FANCD2: variants seen among roughly 807,000 people sequenced by gnomAD.
The protein encoded by FANCD2 is Fanconi anemia group D2 protein.
In FANCD2, 131 loss-of-function variants were observed where a neutral mutation model predicts 192.3. That is an observed-to-expected ratio of 0.68 (90% CI 0.59 to 0.79). The LOEUF (loss-of-function observed/expected upper bound fraction) is 0.79. FANCD2 is among the 30% of genes least tolerant of loss of function. The probability of loss-of-function intolerance (pLI) is 0.00; values close to 1 mark genes in which losing one functional copy is unlikely to be tolerated. For synonymous variants in FANCD2, 524 were observed against 612.5 expected (o/e 0.86, Z 2.13); for missense variants, 1,508 against 1,701.6 (o/e 0.89, Z 2.00).
At chr3:10,041,025 C>T (rs1340693786) in intron 9 of FANCD2, 1 of 163,630 alleles carries the variant, frequency 6.1e-6, no homozygotes, top group African/African-American at 2.4e-5. Flanking sequence ...GAAAAGCCGT[C>T]TTTCAAAAAC....
intron 36 of FANCD2, among the ~76,000 whole-genome samples, chr3:10,089,820 A>C (rs962468976): frequency 1.3e-5 from 2 of 152,186 alleles, no homozygotes; most frequent in African/African-American, 4.8e-5. Flanking sequence ...GTCTCACTTA[A>C]TGGGTGTGTG....
At chr3:10,096,503 C>G (rs745620718) in intron 42 of FANCD2, 31 bp downstream of exon 42, 1 of 1,609,800 alleles carries the variant, frequency 6.2e-7, no homozygotes, top group Non-Finnish European at 8.5e-7. Context: ...GTGATAATCC[C>G]CTACTCTTAT....
At chr3:10,063,692 A>G in intron 20 of FANCD2, 100 bp from the exon 21 acceptor site, 3 of 1,493,084 alleles carry the variant, frequency 2.0e-6, no homozygotes, top group Non-Finnish European at 2.8e-6. Flanking sequence ...GAGCTTTGCC[A>G]GTAAAATCAG....
At position 10,081,176 on chromosome 3, in the gene FANCD2, A is replaced by G; in HGVS notation, c.3053A>G (p.Gln1018Arg). ...CAAGAAATTGTTCATTGTGTTTTTCAACTGCTGACCCCAATGTGTAACCAC... is the reference window on the plus strand; with the variant it reads ...CAAGAAATTGTTCATTGTGTTTTTCGACTGCTGACCCCAATGTGTAACCAC... ...SAQEIVHCVF[Q>R]LLTPMCNHLE... Residue 1018 changes from glutamine (Q) to arginine (R), a missense_variant, in exon 31 of 44, where the codon CAA becomes CGA. By Grantham distance (43) the Gln-to-Arg change is conservative. This residue lies in a region of FANCD2 where 796 missense variants were observed against 879.4 expected (regional missense o/e 0.91). Transcript: ENST00000675286. 1 of 1,614,208 alleles carries G rather than the reference A, an allele frequency of 6.2e-7. No homozygotes were observed. The highest frequency in any genetic ancestry group is 8.5e-7 in the Non-Finnish European group (1 of 1,180,038).
chr3:10,095,818 G>A (rs1694918600), intron 41 of FANCD2, among the ~76,000 whole-genome samples: 1 of 151,810 alleles, frequency 6.6e-6, no homozygotes, highest in African/African-American at 2.4e-5. Flanking sequence ...TGATTCTTGA[G>A]TCCAGTTTCT....
chr3:10,081,386 G>A lies in FANCD2; in HGVS notation c.3146G>A (p.Gly1049Glu), dbSNP rs1693825503. 6.2e-7 allele frequency: 1 copy of A among 1,614,152 alleles called. No individual in the cohort carries two copies. Among genetic ancestry groups the A allele is most frequent in the Non-Finnish European group, 8.5e-7 (1 of 1,179,994 alleles). Residue 1049 changes from glycine (G) to glutamate (E), a missense_variant, in exon 32 of 44, where the codon GGA becomes GAA. Gly to Glu is a moderately conservative substitution (Grantham distance 98). Transcript: ENST00000675286. ...AENHGVVDGPGVKVQEYHIMS... is the reference protein window; with the variant it reads ...AENHGVVDGPEVKVQEYHIMS... Reference sequence around the variant, plus strand: ...AATCACGGTGTAGTTGATGGACCAGGAGTGAAAGTTCAGGAGTACCACATA... The same window carrying A: ...AATCACGGTGTAGTTGATGGACCAGAAGTGAAAGTTCAGGAGTACCACATA...
At chr3:10,088,403 G>C in intron 34 of FANCD2, 46 bp from the exon 35 acceptor site, 1 of 1,139,156 alleles carries the variant, frequency 8.8e-7, no homozygotes, top group East Asian at 2.3e-5. Context: ...GCAAGAATGA[G>C]GTCAAGTTCC....
At chr3:10,034,662 T>G in intron 4 of FANCD2, 33 bp from the exon 5 acceptor site, 1 of 1,509,262 alleles carries the variant, frequency 6.6e-7, no homozygotes, top group Non-Finnish European at 9.1e-7. Context: ...AACTAAAAAT[T>G]TTATTCTTTT....
At chr3:10,079,628 G>A (rs1226868397) in intron 30 of FANCD2, among the ~76,000 whole-genome samples, 3 of 152,056 alleles carry the variant, frequency 2.0e-5, no homozygotes, top group Non-Finnish European at 4.4e-5. Flanking sequence ...CCCAGCCTAC[G>A]AAATGTATTT....
chr3:10,043,283 C>CAT, intron 12 of FANCD2, 133 bp downstream of exon 12: 8 of 815,106 alleles, frequency 9.8e-6, no homozygotes, highest in Middle Eastern at 5.3e-4. Flanking sequence ...TTTCAAATTA[C>CAT]ATATATGTAT....
intron 29 of FANCD2, 131 bp downstream of exon 29, chr3:10,074,804 A>G: frequency 3.9e-6 from 3 of 763,444 alleles, no homozygotes; most frequent in Non-Finnish European, 6.5e-6. Context: ...TTTATATGTG[A>G]AAGCAATGAT....
chr3:10,043,225 T>C (rs1011856356), intron 12 of FANCD2, 75 bp downstream of exon 12: 2 of 1,050,276 alleles, frequency 1.9e-6, no homozygotes, highest in Non-Finnish European at 3.0e-6. Context: ...TTAATACTAC[T>C]ACAAATAATG....
chr3:10,077,063 A>G (rs527786976), intron 29 of FANCD2, among the ~76,000 whole-genome samples: 60 of 151,824 alleles, frequency 4.0e-4, no homozygotes, highest in African/African-American at 1.3e-3. Context: ...ACCTGTCTCT[A>G]CAAAAAGTTA....
chr3:10,089,141 C>G (rs56252804), intron 36 of FANCD2, among the ~76,000 whole-genome samples, 191 bp downstream of exon 36: 2 of 151,940 alleles, frequency 1.3e-5, no homozygotes, highest in Non-Finnish European at 2.9e-5. Context: ...AAAAATTAGC[C>G]GGGCGTGGTG....
rs557070078 is a variant in FANCD2 at position 10,053,834 on chromosome 3, T to G, written c.1656+1337T>G. 1.6e-4 allele frequency among the ~76,000 whole-genome samples: 24 copies of G among 152,276 alleles called. No homozygotes were observed. The South Asian group carries it at 2.1e-3, about 13-fold the overall frequency. On this transcript the variant is annotated intron_variant, in intron 18 of 43. Transcript: ENST00000675286. ...ATCAGCTAACCATGAAACTGTTCAG[T>G]TTCTGAGTGCAGTGGGGACACAGAA...
chr3:10,065,752 C>G lies in FANCD2; in HGVS notation c.2270-112C>G. 9.2e-6 allele frequency: 7 copies of G among 763,068 alleles called. No homozygotes were observed. The South Asian group carries it at 1.0e-4, about 11-fold the overall frequency. 47.3% of individuals were successfully genotyped at this position (763,068 alleles called of 1,614,324 possible). A position where few individuals can be genotyped will look rare whatever the true frequency, so the allele number is the denominator to read the frequency against. ...AATATTTTAATCAGATCTTGGCCTTCAAATATGAGTTAAAGGGGAAAGTAA... is the reference window on the plus strand; with the variant it reads ...AATATTTTAATCAGATCTTGGCCTTGAAATATGAGTTAAAGGGGAAAGTAA... On this transcript the variant is annotated intron_variant, in intron 24 of 43. Coordinates refer to ENST00000675286, the MANE Select transcript of FANCD2 (RefSeq NM_001018115.3).
chr3:10,032,337 G>A (rs1348930248), intron 2 of FANCD2: 2 of 415,958 alleles, frequency 4.8e-6, no homozygotes, highest in South Asian at 1.8e-5. Flanking sequence ...CTGGAGTGCA[G>A]TGGTAATATC....
intron 33 of FANCD2, 107 bp from the exon 34 acceptor site, chr3:10,087,027 T>C (rs1694246981): frequency 8.4e-7 from 1 of 1,190,720 alleles, no homozygotes; most frequent in African/African-American, 1.5e-5. Flanking sequence ...GGATTCTGAT[T>C]AGGCCGTCAA....
chr3:10,050,468 C>CAA (rs1273569454), intron 17 of FANCD2, among the ~76,000 whole-genome samples: 1 of 151,664 alleles, frequency 6.6e-6, no homozygotes, highest in African/African-American at 2.4e-5. Flanking sequence ...ACTAAAAATA[C>CAA]AAAAATTAGC....
Sources: gnomAD v4.1 joint callset for allele counts (sites outside exome capture counted in the v4.1 genomes callset) on GRCh38, gnomAD v4.1.1 for gene constraint, gnomAD v4.1.1 regional missense constraint, MANE v1.5 for transcripts, NCBI Gene and HGNC (gene_info 2026-07-23, HGNC 2026-07-21) for gene names.